The following CD8B variants were observed in gnomAD, a reference collection of about 807,000 sequenced individuals.
CD8B encodes the protein CD8 subunit beta, also known as T-cell surface glycoprotein CD8 beta chain.
Under a neutral mutation model 24.2 loss-of-function variants are expected in CD8B, and 6 were observed. The observed-to-expected ratio is 0.25, with a 90% CI of 0.14 to 0.49. The LOEUF is 0.49. Among genes scored for constraint, CD8B ranks in the 20% least tolerant of loss-of-function variants. The pLI, the probability that CD8B is intolerant of heterozygous loss-of-function variation, is 0.98. For synonymous variants in CD8B, 84 were observed against 108.3 expected, an observed-to-expected ratio of 0.78 and a Z score of 1.39; for missense variants, 196 against 271.3, an observed-to-expected ratio of 0.72 and a Z score of 1.95.
In CD8B at chr2:86,833,159, A is replaced by G. The variant is rs1054660280; in HGVS notation, c.620+11763T>C. The G allele has an allele frequency of 2.6e-5, 6 of 234,162 alleles. No individual in the cohort carries two copies. The South Asian group carries it at 2.6e-4, about 10-fold the overall frequency. 14.5% of individuals were successfully genotyped at this position (234,162 alleles called of 1,614,324 possible). A position where few individuals can be genotyped will look rare whatever the true frequency, so the allele number is the denominator to read the frequency against. On this transcript the variant is annotated intron_variant, in intron 5 of 5. Transcript: ENST00000331469. The stretch of plus-strand genomic sequence containing the variant: ...CCCTGCATCCTGCTTTTCCTCCTTA[A>G]TAGTACACTCTGGCAGTGTTGCCAA...
chr2:86,840,316 G>C lies in CD8B; in HGVS notation c.*1991C>G, dbSNP rs1425604510. On this transcript the variant is annotated 3_prime_UTR_variant, in exon 6 of 6. Transcript: ENST00000390655. Reference sequence around the variant, plus strand: ...GAAAACACCTGGGTCTGGGGGCAGGGCATCTAAGGCCAATTAACATACACC... The same window carrying C: ...GAAAACACCTGGGTCTGGGGGCAGGCCATCTAAGGCCAATTAACATACACC... Among the ~76,000 whole-genome samples, 1 of 152,112 alleles carries C rather than the reference G, an allele frequency of 6.6e-6. No individual in the cohort carries two copies. The highest frequency in any genetic ancestry group is 1.5e-5 in the Non-Finnish European group (1 of 68,036).
intron 3 of CD8B, among the ~76,000 whole-genome samples, chr2:86,850,429 G>A (rs569689561): frequency 1.3e-5 from 2 of 152,300 alleles, no homozygotes; most frequent in African/African-American, 4.8e-5. Context: ...CATGATAACA[G>A]GCTTTGAGGT....
At chr2:86,830,886 C>T (rs1481692710) in intron 5 of CD8B, among the ~76,000 whole-genome samples, 1 of 151,998 alleles carries the variant, frequency 6.6e-6, no homozygotes, top group Non-Finnish European at 1.5e-5. Flanking sequence ...AACCAGTTTG[C>T]ATTTAATTTT....
chr2:86,844,854 G>A, intron 5 of CD8B, 68 bp downstream of exon 5: 1 of 1,553,280 alleles, frequency 6.4e-7, no homozygotes. Flanking sequence ...GCTCCTCGCT[G>A]CAGTTAGAGG....
At chr2:86,831,319 G>A (rs1010440989) in intron 5 of CD8B, among the ~76,000 whole-genome samples, 1 of 152,026 alleles carries the variant, frequency 6.6e-6, no homozygotes, top group Non-Finnish European at 1.5e-5. Flanking sequence ...TGCCTGCCTC[G>A]ACCTCCCGAA....
intron 5 of CD8B, among the ~76,000 whole-genome samples, chr2:86,829,018 C>T (rs949507012): frequency 3.1e-4 from 46 of 148,974 alleles, no homozygotes; most frequent in Middle Eastern, 3.3e-3. Context: ...ATAAACAAGA[C>T]GATAAAGATC....
At chr2:86,849,869 A>T (rs1675892268) in intron 3 of CD8B, among the ~76,000 whole-genome samples, 1 of 151,810 alleles carries the variant, frequency 6.6e-6, no homozygotes, top group African/African-American at 2.4e-5. Context: ...ATGCCCAGCT[A>T]ATTTTTGTAT....
chr2:86,838,781 C>T lies in CD8B; in HGVS notation c.*3526G>A, dbSNP rs1392078847. ...CCTCCCAAAGTACTGGGATTACAGGCGTGAGCTGTAATCCCATGTGCTTGC... is the reference window on the plus strand; with the variant it reads ...CCTCCCAAAGTACTGGGATTACAGGTGTGAGCTGTAATCCCATGTGCTTGC... On this transcript the variant is annotated 3_prime_UTR_variant, in exon 6 of 6. Coordinates refer to ENST00000390655, the MANE Select transcript of CD8B (RefSeq NM_004931.5). 1.3e-5 allele frequency among the ~76,000 whole-genome samples: 2 copies of T among 152,160 alleles called. No individual in the cohort carries two copies. Among genetic ancestry groups the T allele is most frequent in the Non-Finnish European group, 2.9e-5 (2 of 68,038 alleles).
At chr2:86,857,408 G>T (rs1028528808) in intron 2 of CD8B, among the ~76,000 whole-genome samples, 2 of 152,172 alleles carry the variant, frequency 1.3e-5, no homozygotes, top group African/African-American at 4.8e-5. Context: ...GGACAGCACT[G>T]CCCTGTCCCC....
chr2:86,815,463 A>G (rs978278939), downstream of CD8B: 6 of 652,136 alleles, frequency 9.2e-6, no homozygotes, highest in African/African-American at 1.1e-4. Flanking sequence ...ACAGCTCACC[A>G]GGGCAGAACT....
chr2:86,821,982 C>T (rs1420362917), intron 5 of CD8B, among the ~76,000 whole-genome samples: 1 of 152,154 alleles, frequency 6.6e-6, no homozygotes, highest in Non-Finnish European at 1.5e-5. Flanking sequence ...TGTATGTCTG[C>T]CCTGTGGCTT....
exon 6 of CD8B, chr2:86,815,596 G>A: frequency 6.7e-7 from 1 of 1,503,472 alleles, no homozygotes; most frequent in Non-Finnish European, 9.3e-7. Context: ...ATCAGGACCT[G>A]TGCTTCTTGC....
intron 2 of CD8B, among the ~76,000 whole-genome samples, chr2:86,856,176 CA>C (rs1676230730): frequency 6.6e-6 from 1 of 152,176 alleles, no homozygotes; most frequent in Admixed American, 6.5e-5. Context: ...TGGAGAGAGG[CA>C]TTGACATTCC....
At chr2:86,844,185 G>A (rs983897346) in intron 5 of CD8B, among the ~76,000 whole-genome samples, 1 of 151,720 alleles carries the variant, frequency 6.6e-6, no homozygotes, top group African/African-American at 2.4e-5. Context: ...TGACTAAATG[G>A]CCACCACTAA....
In CD8B at chr2:86,815,808, A is replaced by C. The variant is rs1457207640; in HGVS notation, c.621-90T>G. The C allele has an allele frequency of 9.1e-6, 7 of 768,618 alleles. No individual in the cohort carries two copies. The East Asian group carries it at 9.8e-5, about 11-fold the overall frequency. 47.6% of individuals were successfully genotyped at this position (768,618 alleles called of 1,614,324 possible). A position where few individuals can be genotyped will look rare whatever the true frequency, so the allele number is the denominator to read the frequency against. ...AAGTAATGACTGATTTTTTTCTGTG[A>C]CTCAGTCGAGTCAGATGTTGTGTCA... On this transcript the variant is annotated intron_variant, in intron 5 of 5. Transcript: ENST00000331469.
chr2:86,833,293 C>T (rs1300782802), downstream of CD8B, among the ~76,000 whole-genome samples: 1 of 149,580 alleles, frequency 6.7e-6, no homozygotes, highest in African/African-American at 2.5e-5. Flanking sequence ...CTCCTAGGTT[C>T]AAGTGATTCT....
Position 86,829,820 on chromosome 2 carries a change from C to T in CD8B, c.621-14102G>A, listed in dbSNP as rs987738639. On this transcript the variant is annotated intron_variant, in intron 5 of 5. Coordinates refer to the CD8B transcript ENST00000331469. ...GGTAAATCTTTTACCTCCACACCACCGGCTGTCATTCCCCCATGACATTTA... is the reference window on the plus strand; with the variant it reads ...GGTAAATCTTTTACCTCCACACCACTGGCTGTCATTCCCCCATGACATTTA... Among the ~76,000 whole-genome samples the T allele has an allele frequency of 7.9e-5, 12 of 152,104 alleles. 1 individual carries two copies. The highest frequency in any genetic ancestry group is 3.3e-4 in the Admixed American group (5 of 15,260).
At chr2:86,842,576 G>A (rs1244675516) in intron 5 of CD8B, among the ~76,000 whole-genome samples, 4 of 152,220 alleles carry the variant, frequency 2.6e-5, no homozygotes, top group South Asian at 2.1e-4. Flanking sequence ...GTACCTCTAA[G>A]ATAATCTAAG....
chr2:86,850,870 C>A (rs1382999497), intron 3 of CD8B, among the ~76,000 whole-genome samples: 2 of 152,092 alleles, frequency 1.3e-5, no homozygotes, highest in African/African-American at 4.8e-5. Flanking sequence ...GCAGGTGGAT[C>A]ACCTGAAGTC....
Sources: allele counts gnomAD v4.1 joint callset (sites outside exome capture counted in the v4.1 genomes callset), GRCh38; gene constraint gnomAD v4.1.1; transcripts MANE v1.5; gene names NCBI Gene and HGNC (gene_info 2026-07-23, HGNC 2026-07-21).